SLIT3: variants seen among roughly 807,000 people sequenced by gnomAD.
The protein encoded by SLIT3 is slit homolog 3 protein.
A neutral mutation model predicts 184.0 loss-of-function variants in SLIT3; 68 were observed. The ratio of observed to expected loss-of-function variants is 0.37; its 90% CI spans 0.30 to 0.45. SLIT3 has a LOEUF of 0.45. Ranked by LOEUF, SLIT3 falls within the 20% of genes least tolerant of loss-of-function variation. The pLI, the probability that SLIT3 is intolerant of heterozygous loss-of-function variation, is 1.00. For missense variants in SLIT3, 1,707 were observed against 2,026.0 expected, an observed-to-expected ratio of 0.84 and a Z score of 3.02; for synonymous variants, 831 against 828.6, an observed-to-expected ratio of 1.00 and a Z score of -0.05.
rs1038870521 is a variant in SLIT3, at chr5:169,099,578, T to C, written c.413+93901A>G. The stretch of plus-strand genomic sequence containing the variant: ...TTTGATTAGAAATGATTATTAGCCC[T>C]ATCTTACAGATATGACAATTCAGCC... On this transcript the variant is annotated intron_variant, in intron 4 of 35. Coordinates refer to ENST00000519560, the MANE Select transcript of SLIT3 (RefSeq NM_003062.4). Among the ~76,000 whole-genome samples the C allele has an allele frequency of 3.3e-5, 5 of 152,230 alleles. 1 individual carries two copies. Among genetic ancestry groups the C allele is most frequent in the Admixed American group, 3.3e-4 (5 of 15,280 alleles).
At chr5:168,819,658 AATGACGTTTAGGTAAGTCAGATCCTT>A (rs1757456317) in intron 7 of SLIT3, among the ~76,000 whole-genome samples, 2 of 152,204 alleles carry the variant, frequency 1.3e-5, no homozygotes, top group African/African-American at 2.4e-5. Context: ...GAACAACAAA[AATGACGTTTAGGTAAGTCAGATCCTT>A]ACTGAGCTGA....
chr5:168,797,079 C>T (rs1486002965), intron 9 of SLIT3, among the ~76,000 whole-genome samples: 1 of 152,048 alleles, frequency 6.6e-6, no homozygotes, highest in Admixed American at 6.5e-5. Flanking sequence ...GTGCACTTTA[C>T]CGGGAGCACA....
intron 35 of SLIT3, among the ~76,000 whole-genome samples, chr5:168,668,341 C>A (rs1290692564): frequency 6.6e-6 from 1 of 152,046 alleles, no homozygotes; most frequent in Non-Finnish European, 1.5e-5. Context: ...GCCTGGGAGC[C>A]CCAGGTGACT....
chr5:168,755,389 A>ATTTCTTTCTTTCTTTCTTTCCTTTCTTTC (rs1754861371), intron 16 of SLIT3, among the ~76,000 whole-genome samples: 1 of 133,640 alleles, frequency 7.5e-6, no homozygotes, highest in Admixed American at 7.9e-5. Context: ...CAGTGCCGCC[A>ATTTCTTTCTTTCTTTCTTTCCTTTCTTTC]TTTCTTTCTT....
intron 4 of SLIT3, among the ~76,000 whole-genome samples, chr5:169,157,514 T>G (rs1762348615): frequency 1.3e-5 from 2 of 152,198 alleles, no homozygotes; most frequent in Admixed American, 1.3e-4. Flanking sequence ...AGTAGAGAAT[T>G]TGGATTTCCA....
chr5:168,759,987 G>A (rs551799713), intron 16 of SLIT3, among the ~76,000 whole-genome samples: 1 of 152,332 alleles, frequency 6.6e-6, no homozygotes, highest in East Asian at 1.9e-4. Context: ...CACGGAAGAT[G>A]AGGAGAAGCA....
intron 20 of SLIT3, among the ~76,000 whole-genome samples, chr5:168,728,109 T>C (rs1039334630): frequency 6.6e-6 from 1 of 152,008 alleles, no homozygotes; most frequent in African/African-American, 2.4e-5. Context: ...TCAGTTTGCA[T>C]GTAAATCTCC....
chr5:168,997,296 G>T (rs1430456868), intron 4 of SLIT3, among the ~76,000 whole-genome samples: 1 of 152,112 alleles, frequency 6.6e-6, no homozygotes, highest in East Asian at 1.9e-4. Context: ...CTGAGAATTT[G>T]TGTCAAATTT....
intron 4 of SLIT3, among the ~76,000 whole-genome samples, chr5:169,021,065 G>A (rs1313882286): frequency 2.0e-5 from 3 of 152,302 alleles, no homozygotes; most frequent in African/African-American, 7.2e-5. Context: ...AATGAGCTAT[G>A]TGCTTAAGGC....
intron 4 of SLIT3, among the ~76,000 whole-genome samples, chr5:169,045,105 A>AT (rs1388375374): frequency 6.6e-6 from 1 of 152,156 alleles, no homozygotes; most frequent in Admixed American, 6.5e-5. Flanking sequence ...GCAGTGGGGG[A>AT]TTGCACAGCT....
chr5:169,020,771 C>T (rs942134111), intron 4 of SLIT3, among the ~76,000 whole-genome samples: 6 of 152,174 alleles, frequency 3.9e-5, no homozygotes, highest in East Asian at 3.8e-4. Flanking sequence ...AAGAGAAACA[C>T]GCAGAACCAG....
At chr5:169,287,402 C>T (rs1767196292) in intron 1 of SLIT3, among the ~76,000 whole-genome samples, 1 of 134,982 alleles carries the variant, frequency 7.4e-6, no homozygotes, top group Non-Finnish European at 1.6e-5. Flanking sequence ...AGATGTGGTC[C>T]CTCTTCTGTC....
At chr5:169,146,070 A>G (rs1261117131) in intron 4 of SLIT3, among the ~76,000 whole-genome samples, 1 of 152,170 alleles carries the variant, frequency 6.6e-6, no homozygotes, top group Non-Finnish European at 1.5e-5. Context: ...AATAGCTAAC[A>G]CATACTGAGA....
chr5:168,919,032 G>C (rs928408029), intron 4 of SLIT3, among the ~76,000 whole-genome samples: 3 of 151,960 alleles, frequency 2.0e-5, no homozygotes, highest in African/African-American at 7.2e-5. Context: ...AGGCTGAGGC[G>C]GGTGGATCAC....
intron 4 of SLIT3, among the ~76,000 whole-genome samples, chr5:168,898,643 T>C (rs1231580638): frequency 6.6e-6 from 1 of 152,244 alleles, no homozygotes; most frequent in Non-Finnish European, 1.5e-5. Flanking sequence ...TAATTGACGT[T>C]CTGAACTGTA....
chr5:169,277,814 A>C (rs1271286056), intron 1 of SLIT3, among the ~76,000 whole-genome samples: 1 of 152,168 alleles, frequency 6.6e-6, no homozygotes, highest in African/African-American at 2.4e-5. Context: ...CCTACGTTTA[A>C]ATTTTTAAGA....
At chr5:168,795,190 C>T (rs1056852939) in intron 10 of SLIT3, among the ~76,000 whole-genome samples, 5 of 152,236 alleles carry the variant, frequency 3.3e-5, no homozygotes, top group Admixed American at 2.0e-4. Flanking sequence ...GTCCACATCA[C>T]TGGAGCCAAG....
intron 23 of SLIT3, among the ~76,000 whole-genome samples, chr5:168,716,352 T>C (rs552141607): frequency 6.6e-6 from 1 of 152,248 alleles, no homozygotes; most frequent in South Asian, 2.1e-4. Flanking sequence ...ATTCTCTTTA[T>C]GCTTAAGGTG....
chr5:168,685,529 T>C (rs1761715598), intron 31 of SLIT3, among the ~76,000 whole-genome samples, 158 bp downstream of exon 31: 1 of 152,262 alleles, frequency 6.6e-6, no homozygotes, highest in African/African-American at 2.4e-5. Context: ...GAGTTATCTA[T>C]AGAACTCTCT....
Sources: allele counts gnomAD v4.1 joint callset (sites outside exome capture counted in the v4.1 genomes callset), GRCh38; gene constraint gnomAD v4.1.1; transcripts MANE v1.5; gene names NCBI Gene and HGNC (gene_info 2026-07-23, HGNC 2026-07-21).